TAF4B: variants seen among roughly 807,000 people sequenced by gnomAD.
TAF4B encodes the protein TATA-box binding protein associated factor 4b, also known as transcription initiation factor TFIID subunit 4B.
Under a neutral mutation model 86.4 loss-of-function variants are expected in TAF4B, and 38 were observed. The ratio of observed to expected loss-of-function variants is 0.44; its 90% confidence interval spans 0.34 to 0.58. The LOEUF is 0.58. Ranked by LOEUF, TAF4B falls within the 20% of genes least tolerant of loss-of-function variation. The pLI is 0.02. For synonymous variants in TAF4B, 388 were observed against 391.2 expected (o/e 0.99, Z 0.10); for missense variants, 988 against 1,027.6 (o/e 0.96, Z 0.53).
chr18:26,322,095 C>A (rs1021912912), intron 11 of TAF4B, among the ~76,000 whole-genome samples: 1 of 152,046 alleles, frequency 6.6e-6, no homozygotes, highest in South Asian at 2.1e-4. Flanking sequence ...CTGTTTCCCT[C>A]TTTCCAAGAA....
chr18:26,228,733 C>G (rs973528152), intron 1 of TAF4B, among the ~76,000 whole-genome samples: 2 of 152,092 alleles, frequency 1.3e-5, no homozygotes, highest in Non-Finnish European at 2.9e-5. Context: ...CCACTGCACT[C>G]CAGCCCAGGC....
intron 14 of TAF4B, among the ~76,000 whole-genome samples, chr18:26,369,359 G>A (rs185004032): frequency 6.6e-6 from 1 of 152,304 alleles, no homozygotes; most frequent in East Asian, 1.9e-4. Flanking sequence ...AATAAGCAAT[G>A]ATAAAAGAGT....
chr18:26,347,167 G>A (rs907351562), intron 13 of TAF4B, among the ~76,000 whole-genome samples: 10 of 151,318 alleles, frequency 6.6e-5, no homozygotes, highest in South Asian at 4.2e-4. Context: ...TGATCCGTCC[G>A]CCTCGGCCTC....
chr18:26,306,077 T>C (rs141733383), intron 9 of TAF4B, among the ~76,000 whole-genome samples: 1 of 152,342 alleles, frequency 6.6e-6, no homozygotes, highest in African/African-American at 2.4e-5. Context: ...CGGTCTGTGG[T>C]GTTAGGGATC....
chr18:26,273,812 T>G (rs1237047912), intron 3 of TAF4B, among the ~76,000 whole-genome samples: 1 of 152,200 alleles, frequency 6.6e-6, no homozygotes, highest in Middle Eastern at 3.2e-3. Context: ...AGAAGGAAAT[T>G]TTCTTGAAGG....
intron 5 of TAF4B, among the ~76,000 whole-genome samples, chr18:26,277,091 T>A (rs12962740): frequency 0.037 from 5,602 of 151,306 alleles, 138 homozygotes; most frequent in East Asian, 0.048. Flanking sequence ...ATTGAAAAAA[T>A]TTTTTTTTGA....
chr18:26,279,610 A>T (rs563924052), intron 5 of TAF4B, among the ~76,000 whole-genome samples: 1 of 152,224 alleles, frequency 6.6e-6, no homozygotes, highest in Admixed American at 6.5e-5. Flanking sequence ...TTCAGACTAT[A>T]CTGTAAGGCT....
In TAF4B at chr18:26,301,649, C is replaced by A. The variant is rs533849495; in HGVS notation, c.1832+8118C>A. ...TCCAATGTCCGGGTTACCTGTGACT[C>A]TATTTCTATTATCTGGCTTTTTAAT... On this transcript the variant is annotated intron_variant, in intron 9 of 14. Coordinates refer to ENST00000269142, the MANE Select transcript of TAF4B (RefSeq NM_005640.3). 1.8e-3 allele frequency among the ~76,000 whole-genome samples: 277 copies of A among 152,250 alleles called. 1 individual carries two copies. The highest frequency in any genetic ancestry group is 6.5e-3 in the African/African-American group (270 of 41,540).
At chr18:26,283,993 G>T (rs997017346) in intron 6 of TAF4B, among the ~76,000 whole-genome samples, 3 of 151,958 alleles carry the variant, frequency 2.0e-5, no homozygotes, top group African/African-American at 7.2e-5. Flanking sequence ...GGCAGAGGTT[G>T]CAGTGAGCCA....
At chr18:26,384,938 C>A (rs916354532) in intron 14 of TAF4B, among the ~76,000 whole-genome samples, 3 of 152,150 alleles carry the variant, frequency 2.0e-5, no homozygotes, top group Admixed American at 6.5e-5. Flanking sequence ...TGCCGCCTAG[C>A]ACAGTTCTTG....
intron 3 of TAF4B, among the ~76,000 whole-genome samples, chr18:26,272,259 T>A (rs1019378621): frequency 6.6e-6 from 1 of 152,210 alleles, no homozygotes; most frequent in Admixed American, 6.5e-5. Flanking sequence ...ATCACCTGCA[T>A]GTGCAGTTCA....
chr18:26,310,161 G>C (rs564975326), intron 9 of TAF4B, among the ~76,000 whole-genome samples: 3 of 152,214 alleles, frequency 2.0e-5, no homozygotes, highest in African/African-American at 7.2e-5. Flanking sequence ...CTGAAACCTT[G>C]ACCTCTTTAG....
At chr18:26,334,179 T>C (rs2057072840) in intron 12 of TAF4B, among the ~76,000 whole-genome samples, 1 of 152,148 alleles carries the variant, frequency 6.6e-6, no homozygotes, top group Non-Finnish European at 1.5e-5. Context: ...CAGCTTTGGG[T>C]TGAATTTTGT....
chr18:26,375,657 A>G (rs908334544), intron 14 of TAF4B, among the ~76,000 whole-genome samples: 1 of 152,184 alleles, frequency 6.6e-6, no homozygotes, highest in Admixed American at 6.5e-5. Flanking sequence ...CTGAAGACTA[A>G]TGATGTTGAG....
intron 13 of TAF4B, among the ~76,000 whole-genome samples, chr18:26,335,667 A>G (rs2057084771): frequency 6.6e-6 from 1 of 152,108 alleles, no homozygotes; most frequent in African/African-American, 2.4e-5. Context: ...TCTGGCTTTT[A>G]ATTTTCTGGG....
chr18:26,341,488 T>C (rs1030809640), intron 13 of TAF4B, among the ~76,000 whole-genome samples: 20 of 152,210 alleles, frequency 1.3e-4, no homozygotes, highest in African/African-American at 4.6e-4. Context: ...ATTTATATTT[T>C]ACACAATTTA....
chr18:26,285,331 G>A (rs1314978641), intron 6 of TAF4B, among the ~76,000 whole-genome samples: 1 of 147,268 alleles, frequency 6.8e-6, no homozygotes, highest in Non-Finnish European at 1.5e-5. Flanking sequence ...GGGACTACAC[G>A]TGTGTGCCAC....
intron 12 of TAF4B, among the ~76,000 whole-genome samples, chr18:26,332,323 A>G (rs1428707209): frequency 1.3e-5 from 2 of 152,120 alleles, no homozygotes; most frequent in African/African-American, 2.4e-5. Flanking sequence ...CGCTTCCCTT[A>G]TCTTCTTTCC....
chr18:26,230,871 C>T (rs1364304218), intron 1 of TAF4B, among the ~76,000 whole-genome samples: 1 of 152,052 alleles, frequency 6.6e-6, no homozygotes, highest in Non-Finnish European at 1.5e-5. Context: ...GGCAATAGGG[C>T]TGCAGCCCCT....
Sources: gnomAD v4.1 joint callset for allele counts (sites outside exome capture counted in the v4.1 genomes callset) on GRCh38, gnomAD v4.1.1 for gene constraint, MANE v1.5 for transcripts, NCBI Gene and HGNC (gene_info 2026-07-23, HGNC 2026-07-21) for gene names.